Variants in ADGRD1 observed in about 807,000 individuals in gnomAD.
ADGRD1 encodes G-protein coupled receptor 133.
ADGRD1 carries 77 observed loss-of-function variants against 113.4 expected under a neutral mutation model. That is an observed-to-expected ratio of 0.68 (90% CI 0.57 to 0.82). ADGRD1 has a LOEUF of 0.82. ADGRD1 is among the 40% of genes least tolerant of loss of function. The pLI is 0.00. For synonymous variants in ADGRD1, 474 were observed against 475.0 expected (o/e 1.00, Z 0.03); for missense variants, 1,036 against 1,139.1 (o/e 0.91, Z 1.30).
intron 19 of ADGRD1, among the ~76,000 whole-genome samples, chr12:131,119,070 T>C (rs989662206): frequency 6.6e-6 from 1 of 152,240 alleles, no homozygotes; most frequent in African/African-American, 2.4e-5. Context: ...TCCAGAAAGA[T>C]GATTTTCTTT....
intron 2 of ADGRD1, among the ~76,000 whole-genome samples, chr12:130,955,176 G>A (rs1024394112): frequency 7.4e-6 from 1 of 135,426 alleles, no homozygotes; most frequent in Non-Finnish European, 1.5e-5. Flanking sequence ...TGTTGGCCAG[G>A]CTGGTCTCGA....
intron 13 of ADGRD1, among the ~76,000 whole-genome samples, chr12:131,038,660 A>G (rs1195209669): frequency 6.6e-6 from 1 of 152,170 alleles, no homozygotes; most frequent in Non-Finnish European, 1.5e-5. Flanking sequence ...GGCTGGAGGC[A>G]GAGGTGATGG....
chr12:131,085,506 T>A (rs1886398378), intron 15 of ADGRD1, among the ~76,000 whole-genome samples: 1 of 151,984 alleles, frequency 6.6e-6, no homozygotes, highest in African/African-American at 2.4e-5. Flanking sequence ...ACGAAGCCTT[T>A]GGAGAGCTGT....
At chr12:131,118,315 G>C in intron 18 of ADGRD1, 70 bp from the exon 19 acceptor site, 1 of 1,073,268 alleles carries the variant, frequency 9.3e-7, no homozygotes, top group South Asian at 1.4e-5. Context: ...AGGAAGGGAG[G>C]GATGGGGGAG....
chr12:131,042,855 G>A (rs564537470), intron 13 of ADGRD1, among the ~76,000 whole-genome samples: 15 of 152,372 alleles, frequency 9.8e-5, no homozygotes, highest in Middle Eastern at 3.4e-3. Flanking sequence ...CAACAGTTAC[G>A]AATTGGTTGA....
rs1412205611 is a variant in ADGRD1, at chr12:131,104,876, G to A, written c.1717G>A (p.Gly573Ser). The change falls in exon 16 of 25, where the codon GGC (glycine) becomes AGC (serine). Residue 573 changes from glycine to serine, a missense_variant. Gly to Ser is a moderately conservative substitution (Grantham distance 56, BLOSUM62 0). Coordinates refer to ENST00000261654, the MANE Select transcript of ADGRD1 (RefSeq NM_198827.5). ...QVALSSISYV[G>S]CSLSVLCLVA... ...GGCGCTGTCGTCTATCAGCTATGTG[G>A]GCTGCTCCCTCTCCGTGCTCTGCCT... is the stretch of plus-strand genomic sequence containing the variant. The A allele has an allele frequency of 5.2e-6, 8 of 1,551,104 alleles. No homozygotes were observed. The African/African-American group carries it at 8.2e-5, about 16-fold the overall frequency.
chr12:131,042,132 T>C (rs1255910486), intron 13 of ADGRD1, among the ~76,000 whole-genome samples: 1 of 152,232 alleles, frequency 6.6e-6, no homozygotes, highest in Non-Finnish European at 1.5e-5. Flanking sequence ...AGGGATATTT[T>C]TTTACAGAAC....
rs796464995 is a variant in ADGRD1 at position 131,131,172 on chromosome 12, A to G, written c.2176-553A>G. ...GCCCCTCAGTGCCCCGCCCAGCCCC[A>G]TAGGTCCCAACAGGAGCCTTCCAGC... On this transcript the variant is annotated intron_variant, in intron 20 of 24. Coordinates refer to ENST00000261654, the MANE Select transcript of ADGRD1 (RefSeq NM_198827.5). Among the ~76,000 whole-genome samples, 45 of 152,168 alleles carry G rather than the reference A, an allele frequency of 3.0e-4. 1 individual carries two copies. The highest frequency in any genetic ancestry group is 1.1e-3 in the African/African-American group (44 of 41,534).
intron 15 of ADGRD1, among the ~76,000 whole-genome samples, chr12:131,101,354 A>C (rs374370627): frequency 1.7e-5 from 1 of 59,514 alleles, no homozygotes; most frequent in African/African-American, 6.4e-5. Flanking sequence ...TCTTTCTTTT[A>C]TTTTTTTTCT....
intron 11 of ADGRD1, among the ~76,000 whole-genome samples, 190 bp from the exon 12 acceptor site, chr12:131,005,782 C>T (rs1307680149): frequency 3.3e-5 from 5 of 152,144 alleles, no homozygotes; most frequent in South Asian, 2.1e-4. Context: ...AGGGATCCAC[C>T]GTCACGCTGC....
intron 18 of ADGRD1, among the ~76,000 whole-genome samples, chr12:131,115,914 G>A (rs1329255023): frequency 1.3e-5 from 2 of 152,208 alleles, no homozygotes; most frequent in Admixed American, 6.5e-5. Context: ...CATGGTCTGA[G>A]CACAGAATTT....
chr12:131,054,503 C>T (rs751953341), intron 13 of ADGRD1, among the ~76,000 whole-genome samples: 2 of 152,166 alleles, frequency 1.3e-5, no homozygotes, highest in South Asian at 2.1e-4. Flanking sequence ...CCCTTCTGTG[C>T]GCTCCACCCA....
intron 13 of ADGRD1, among the ~76,000 whole-genome samples, chr12:131,046,302 G>GTC (rs1882748933): frequency 2.3e-5 from 3 of 128,082 alleles, no homozygotes; most frequent in East Asian, 2.6e-4. Context: ...CCTGGTCAGT[G>GTC]CTCCCTCCCT....
intron 8 of ADGRD1, among the ~76,000 whole-genome samples, chr12:130,996,664 C>T (rs1593320490): frequency 1.0e-5 from 1 of 98,112 alleles, no homozygotes; most frequent in Non-Finnish European, 2.2e-5. Flanking sequence ...GGGGCTGACC[C>T]CCCCACCTCC....
chr12:131,062,349 T>G (rs925402644), intron 13 of ADGRD1, among the ~76,000 whole-genome samples: 1 of 152,232 alleles, frequency 6.6e-6, no homozygotes, highest in East Asian at 1.9e-4. Flanking sequence ...TGTTTCCAGC[T>G]TCTGACTATT....
chr12:130,992,542 T>G (rs1874558056), intron 8 of ADGRD1, 150 bp downstream of exon 8: 2 of 659,274 alleles, frequency 3.0e-6, no homozygotes, highest in Non-Finnish European at 5.2e-6. Context: ...AACAACCAGC[T>G]GGTGTGGCCC....
intron 3 of ADGRD1, chr12:130,969,221 G>A (rs960349280): frequency 1.6e-6 from 1 of 612,456 alleles, no homozygotes; most frequent in Non-Finnish European, 2.9e-6. Context: ...GATCCAAGGT[G>A]TTAAAAAATA....
intron 15 of ADGRD1, among the ~76,000 whole-genome samples, chr12:131,104,371 G>A (rs1014599952): frequency 3.9e-5 from 6 of 152,198 alleles, no homozygotes; most frequent in South Asian, 2.1e-4. Context: ...GAGTCCTTGC[G>A]GCCACTGTGG....
At position 131,140,766 on chromosome 12, in the gene ADGRD1, A is replaced by C. The variant is rs1421770860; in HGVS notation, c.*1503A>C. On this transcript the variant is annotated 3_prime_UTR_variant, in exon 25 of 25. Transcript: ENST00000261654. ...CCACTCATCTGCAGGCCTCTCCTGCATGGGGAGGGTAGGCAGGGAGCAGCA... is the reference window on the plus strand; with the variant it reads ...CCACTCATCTGCAGGCCTCTCCTGCCTGGGGAGGGTAGGCAGGGAGCAGCA... 1 of 152,200 alleles carries C rather than the reference A, an allele frequency of 6.6e-6. No individual in the cohort carries two copies. Among genetic ancestry groups the C allele is most frequent in the Non-Finnish European group, 1.5e-5 (1 of 68,046 alleles). The allele number at this position is 152,200 out of a possible 1,614,324, so 9.4% of individuals were successfully genotyped here. A position where few individuals can be genotyped will look rare whatever the true frequency, so the allele number is the denominator to read the frequency against.
Sources: allele counts gnomAD v4.1 joint callset (sites outside exome capture counted in the v4.1 genomes callset), GRCh38; gene constraint gnomAD v4.1.1; transcripts MANE v1.5; gene names NCBI Gene and HGNC (gene_info 2026-07-23, HGNC 2026-07-21).